The following TBCE variants were observed in gnomAD, a reference collection of about 807,000 sequenced individuals.
The protein encoded by TBCE is tubulin folding cofactor E.
TBCE carries 53 observed loss-of-function variants against 77.0 expected under a neutral mutation model. The observed-to-expected ratio is 0.69, with a 90% CI of 0.55 to 0.87. The LOEUF (loss-of-function observed/expected upper bound fraction) is 0.87. TBCE is among the 40% of genes least tolerant of loss of function. The pLI is 0.00. For synonymous variants in TBCE, 235 were observed against 241.3 expected (o/e 0.97, Z 0.24); for missense variants, 624 against 622.4 (o/e 1.00, Z -0.03).
At position 235,451,555 on chromosome 1, in the gene TBCE, A is replaced by T. The variant is rs1316863615; in HGVS notation, c.*2793A>T. 6.6e-6 allele frequency: 1 copy of T among 151,988 alleles called. No homozygotes were observed. Among genetic ancestry groups the T allele is most frequent in the Non-Finnish European group, 1.5e-5 (1 of 67,974 alleles). 9.4% of individuals were successfully genotyped at this position (151,988 alleles called of 1,614,324 possible). The stretch of plus-strand genomic sequence containing the variant: ...TAGAAACAACAAACTGCAAAATCAG[A>T]CCCAGCAAAGACTACAGATCCCAGA... On this transcript the variant is annotated 3_prime_UTR_variant, in exon 17 of 17. Coordinates refer to ENST00000642610, the MANE Select transcript of TBCE (RefSeq NM_003193.5).
chr1:235,398,537 ACTTG>A (rs1678883873), intron 2 of TBCE, among the ~76,000 whole-genome samples: 1 of 149,098 alleles, frequency 6.7e-6, no homozygotes, highest in African/African-American at 2.5e-5. Context: ...TCATCTTACT[ACTTG>A]CTTTTTGTTT....
At position 235,400,408 on chromosome 1, in the gene TBCE, C is replaced by CTTTTTTTTTTTTTTTTTTTTT. The variant is rs71174425; in HGVS notation, c.101-1085_101-1084insTTTTTTTTTTTTTTTTTTTTT. ...ATTGAAGGAAAAAATTATTTTTCCTCTTTTTTTTTTGAGATGGAGTCTCGC... is the reference window on the plus strand; with the variant it reads ...ATTGAAGGAAAAAATTATTTTTCCTCTTTTTTTTTTTTTTTTTTTTTTTTTTTTTTTGAGATGGAGTCTCGC... On this transcript the variant is annotated intron_variant, in intron 2 of 16. Coordinates refer to ENST00000642610, the MANE Select transcript of TBCE (RefSeq NM_003193.5). 3.5e-4 allele frequency among the ~76,000 whole-genome samples: 37 copies of CTTTTTTTTTTTTTTTTTTTTT among 106,010 alleles called. 1 individual carries two copies. Among genetic ancestry groups the CTTTTTTTTTTTTTTTTTTTTT allele is most frequent in the African/African-American group, 6.4e-4 (15 of 23,456 alleles). The allele number at this position is 106,010 out of a possible 152,430, so 69.5% of individuals were successfully genotyped here. A position where few individuals can be genotyped will look rare whatever the true frequency, so the allele number is the denominator to read the frequency against.
At chr1:235,439,201 G>A (rs1681660561) in intron 13 of TBCE, among the ~76,000 whole-genome samples, 1 of 151,950 alleles carries the variant, frequency 6.6e-6, no homozygotes, top group African/African-American at 2.4e-5. Context: ...ATTTTTAAGA[G>A]ATGGAGTTGG....
chr1:235,434,382 C>A, intron 8 of TBCE, 102 bp downstream of exon 8: 1 of 1,077,524 alleles, frequency 9.3e-7, no homozygotes, highest in Non-Finnish European at 1.4e-6. Flanking sequence ...GAAGGATTTG[C>A]AAACAAGAAT....
chr1:235,376,311 A>G (rs1487135872), intron 1 of TBCE, among the ~76,000 whole-genome samples: 2 of 152,106 alleles, frequency 1.3e-5, no homozygotes, highest in African/African-American at 4.8e-5. Context: ...TTTACTTCCC[A>G]TTGATGGCTG....
intron 2 of TBCE, among the ~76,000 whole-genome samples, chr1:235,394,893 C>T (rs775143117): frequency 6.6e-6 from 1 of 151,958 alleles, no homozygotes; most frequent in Non-Finnish European, 1.5e-5. Flanking sequence ...TTTGTTGAGA[C>T]AAGGTCTTCC....
At chr1:235,413,662 CAAAAAAA>C (rs536953879) in intron 3 of TBCE, among the ~76,000 whole-genome samples, 1 of 124,692 alleles carries the variant, frequency 8.0e-6, no homozygotes, top group African/African-American at 2.9e-5. Context: ...GATTCTGTCT[CAAAAAAA>C]AAAAAGAAAA....
chr1:235,434,308 A>T, intron 8 of TBCE, 28 bp downstream of exon 8: 1 of 1,557,626 alleles, frequency 6.4e-7, no homozygotes, highest in East Asian at 2.2e-5. Flanking sequence ...AAATGCATCT[A>T]TCCCCATTTA....
chr1:235,375,441 T>C (rs1463869468), intron 1 of TBCE, among the ~76,000 whole-genome samples: 1 of 151,862 alleles, frequency 6.6e-6, no homozygotes, highest in African/African-American at 2.4e-5. Flanking sequence ...AGAACTTAAC[T>C]AGGCAGCAGC....
intron 6 of TBCE, among the ~76,000 whole-genome samples, chr1:235,428,591 CTAACTT>C (rs546537599): frequency 7.9e-4 from 120 of 152,096 alleles, no homozygotes; most frequent in African/African-American, 2.6e-3. Context: ...TTGAATTTAT[CTAACTT>C]TAACTTTAAG....
intron 12 of TBCE, among the ~76,000 whole-genome samples, chr1:235,437,865 G>T (rs1681566444): frequency 3.3e-5 from 5 of 150,956 alleles, no homozygotes; most frequent in African/African-American, 7.3e-5. Context: ...TTTGAATATT[G>T]TAAAGGGGGT....
chr1:235,438,014 T>A (rs1424282549), intron 12 of TBCE, among the ~76,000 whole-genome samples: 3 of 152,150 alleles, frequency 2.0e-5, no homozygotes, highest in Admixed American at 2.0e-4. Flanking sequence ...ACCGTCTCCA[T>A]GTTTTCAGGG....
Position 235,437,347 on chromosome 1 carries a change from A to G in TBCE, c.989A>G (p.Lys330Arg). ...SQWSFFNELEKLPSLRALSCL... is the reference protein window; with the variant it reads ...SQWSFFNELERLPSLRALSCL... The stretch of plus-strand genomic sequence containing the variant: ...TGGTCGTTTTTCAATGAGCTAGAGA[A>G]GTTACCAAGTCTACGGGCTTTGTCC... Residue 330 changes from lysine (K) to arginine (R), a missense_variant, in exon 12 of 17, where the codon AAG becomes AGG. Physicochemically the swap from Lys to Arg is conservative, Grantham distance 26. Coordinates refer to ENST00000642610, the MANE Select transcript of TBCE (RefSeq NM_003193.5). The G allele has an allele frequency of 6.2e-7, 1 of 1,614,106 alleles. No homozygotes were observed. The highest frequency in any genetic ancestry group is 8.5e-7 in the Non-Finnish European group (1 of 1,180,028).
At chr1:235,386,045 G>A (rs2102824951) in intron 2 of TBCE, among the ~76,000 whole-genome samples, 1 of 152,240 alleles carries the variant, frequency 6.6e-6, no homozygotes, top group African/African-American at 2.4e-5. Flanking sequence ...TTGCTTGTCT[G>A]TAAAGTATTT....
At chr1:235,438,620 G>A (rs755297210) in intron 12 of TBCE, 149 bp from the exon 13 acceptor site, 2 of 880,882 alleles carry the variant, frequency 2.3e-6, no homozygotes, top group Non-Finnish European at 3.6e-6. Flanking sequence ...TTCTGTCAAT[G>A]TTAAAAAGAA....
At position 235,437,426 on chromosome 1, in the gene TBCE, A is replaced by G. The variant is rs6666168; in HGVS notation, c.1068A>G (p.Leu356=). The part of the protein sequence containing the change: ...KEDKEAETAR[L]LIIASIGQLK... ...ACAAAGAAGCAGAGACGGCGCGACT[A>G]CTCATTATCGCCAGCATTGGCCAGC... Residue 356 remains leucine (L), a synonymous_variant, in exon 12 of 17, where the codon CTA becomes CTG. Coordinates refer to ENST00000642610, the MANE Select transcript of TBCE (RefSeq NM_003193.5). 33,031 of 1,614,104 alleles carry G rather than the reference A, an allele frequency of 0.02. 709 individuals are homozygous for G. Among genetic ancestry groups the G allele is most frequent in the African/African-American group, 0.11 (7,922 of 74,998 alleles).
intron 8 of TBCE, among the ~76,000 whole-genome samples, chr1:235,434,704 T>A (rs1390638250): frequency 6.6e-6 from 1 of 151,876 alleles, no homozygotes; most frequent in Non-Finnish European, 1.5e-5. Flanking sequence ...GCCCGGCTAA[T>A]TTTCTTTATT....
intron 3 of TBCE, among the ~76,000 whole-genome samples, chr1:235,411,258 T>C (rs1250020084): frequency 6.6e-6 from 1 of 152,246 alleles, no homozygotes; most frequent in Non-Finnish European, 1.5e-5. Context: ...GGTCAGGAAC[T>C]GTGTAGACAA....
intron 2 of TBCE, among the ~76,000 whole-genome samples, chr1:235,395,369 C>A (rs1678658799): frequency 6.6e-6 from 1 of 151,968 alleles, no homozygotes; most frequent in South Asian, 2.1e-4. Context: ...CCCAATTATA[C>A]CCTTTTAGTT....
Sources: gnomAD v4.1 joint callset for allele counts (sites outside exome capture counted in the v4.1 genomes callset) on GRCh38, gnomAD v4.1.1 for gene constraint, MANE v1.5 for transcripts, NCBI Gene and HGNC (gene_info 2026-07-23, HGNC 2026-07-21) for gene names.